Variants in GAB1 observed in about 807,000 individuals in gnomAD.
GAB1 encodes GRB2 associated binding protein 1.
Under a neutral mutation model 66.5 loss-of-function variants are expected in GAB1, and 19 were observed. That is an observed-to-expected ratio of 0.29 (90% CI 0.20 to 0.42). The LOEUF (loss-of-function observed/expected upper bound fraction) is 0.42. Ranked by LOEUF, GAB1 falls within the 10% of genes least tolerant of loss-of-function variation. The pLI, the probability that GAB1 is intolerant of heterozygous loss-of-function variation, is 1.00. For missense variants in GAB1, 732 were observed against 858.5 expected (o/e 0.85, Z 1.84); for synonymous variants, 294 against 301.4 (o/e 0.98, Z 0.25).
At chr4:143,397,845 T>C (rs1170632337) in intron 1 of GAB1, among the ~76,000 whole-genome samples, 1 of 152,196 alleles carries the variant, frequency 6.6e-6, no homozygotes, top group African/African-American at 2.4e-5. Context: ...CTAATGGAGA[T>C]ATGAGCAATG....
At chr4:143,412,916 A>G (rs1191580682) in intron 1 of GAB1, among the ~76,000 whole-genome samples, 3 of 152,194 alleles carry the variant, frequency 2.0e-5, no homozygotes, top group Non-Finnish European at 4.4e-5. Flanking sequence ...GGTACTATTT[A>G]TTAATAGTAT....
At chr4:143,454,180 ATTC>A (rs1735067810) in intron 6 of GAB1, among the ~76,000 whole-genome samples, 1 of 152,226 alleles carries the variant, frequency 6.6e-6, no homozygotes, top group African/African-American at 2.4e-5. Flanking sequence ...ACACATCCGT[ATTC>A]TTATGGCATT....
At chr4:143,404,547 A>G (rs570585639) in intron 1 of GAB1, among the ~76,000 whole-genome samples, 22 of 152,292 alleles carry the variant, frequency 1.4e-4, no homozygotes, top group Non-Finnish European at 2.6e-4. Context: ...TTAAAACTGC[A>G]CTGTCCAGCC....
chr4:143,379,709 C>T (rs531358705), intron 1 of GAB1, among the ~76,000 whole-genome samples: 2 of 152,080 alleles, frequency 1.3e-5, no homozygotes, highest in East Asian at 1.9e-4. Context: ...ACCTCAGTCT[C>T]CTGAGTAGCT....
chr4:143,386,934 T>C (rs1415899536), intron 1 of GAB1, among the ~76,000 whole-genome samples: 2 of 152,254 alleles, frequency 1.3e-5, no homozygotes, highest in Middle Eastern at 3.4e-3. Context: ...TACAGAAGAT[T>C]TTTTTGTTGA....
intron 6 of GAB1, among the ~76,000 whole-genome samples, chr4:143,451,864 T>G (rs1310117339): frequency 6.6e-6 from 1 of 151,676 alleles, no homozygotes; most frequent in Admixed American, 6.6e-5. Context: ...TTCATCACTT[T>G]CAGAGAAACA....
chr4:143,396,383 A>T (rs1034565856), intron 1 of GAB1, among the ~76,000 whole-genome samples: 4 of 152,240 alleles, frequency 2.6e-5, no homozygotes, highest in African/African-American at 9.6e-5. Flanking sequence ...CTATAGATAC[A>T]GCAGATGGAA....
intron 1 of GAB1, among the ~76,000 whole-genome samples, chr4:143,353,179 C>T (rs1019351915): frequency 5.3e-5 from 8 of 152,262 alleles, no homozygotes; most frequent in African/African-American, 1.4e-4. Context: ...GATCTGAAAG[C>T]ATATTATTAA....
At chr4:143,373,884 TA>T (rs1186210327) in intron 1 of GAB1, among the ~76,000 whole-genome samples, 1 of 129,116 alleles carries the variant, frequency 7.7e-6, no homozygotes, top group Admixed American at 7.5e-5. Flanking sequence ...TATATATATA[TA>T]TTTTTACCTT....
chr4:143,337,843 T>C (rs988357524), intron 1 of GAB1, among the ~76,000 whole-genome samples: 5 of 152,210 alleles, frequency 3.3e-5, no homozygotes, highest in Non-Finnish European at 5.9e-5. Flanking sequence ...CCCTGCCGTT[T>C]GCTTAGCAGG....
chr4:143,373,975 A>C (rs1303017415), intron 1 of GAB1, among the ~76,000 whole-genome samples: 2 of 149,916 alleles, frequency 1.3e-5, no homozygotes, highest in Non-Finnish European at 3.0e-5. Flanking sequence ...GTTTTGGTTT[A>C]GTTTTTAATT....
chr4:143,367,096 T>A (rs1053067150), intron 1 of GAB1, among the ~76,000 whole-genome samples: 2 of 152,196 alleles, frequency 1.3e-5, no homozygotes, highest in African/African-American at 2.4e-5. Flanking sequence ...ATTCTAACCA[T>A]GAGACAGGGA....
intron 2 of GAB1, among the ~76,000 whole-genome samples, chr4:143,427,957 T>G (rs1311717814): frequency 6.6e-6 from 1 of 152,126 alleles, no homozygotes; most frequent in Non-Finnish European, 1.5e-5. Context: ...CCCAGCAACC[T>G]CTACAGGGTT....
intron 2 of GAB1, chr4:143,425,756 C>G (rs911117066): frequency 1.1e-4 from 82 of 762,470 alleles, no homozygotes; most frequent in Middle Eastern, 1.0e-3. Context: ...CTCCTGAGTT[C>G]ACTGCTACTC....
At chr4:143,374,569 G>A (rs1291912044) in intron 1 of GAB1, among the ~76,000 whole-genome samples, 3 of 152,136 alleles carry the variant, frequency 2.0e-5, no homozygotes, top group Non-Finnish European at 4.4e-5. Flanking sequence ...GCCTTTTGAC[G>A]ATAGCTGACT....
chr4:143,361,259 A>G (rs62337515), intron 1 of GAB1, among the ~76,000 whole-genome samples: 11,193 of 152,232 alleles, frequency 0.074, 635 homozygotes, highest in African/African-American at 0.16. Flanking sequence ...TTAGATTACT[A>G]TTAAAACAGC....
chr4:143,460,236 CAATG>C (rs1735418766), intron 7 of GAB1, 124 bp from the exon 8 acceptor site: 1 of 804,050 alleles, frequency 1.2e-6, no homozygotes, highest in Non-Finnish European at 2.0e-6. Context: ...TAAATGTGTA[CAATG>C]AATGATTATA....
intron 8 of GAB1, among the ~76,000 whole-genome samples, chr4:143,464,541 T>G (rs1735680787): frequency 6.6e-6 from 1 of 152,182 alleles, no homozygotes; most frequent in South Asian, 2.1e-4. Flanking sequence ...TTTTATATAT[T>G]TTTTTAATGT....
chr4:143,349,788 C>T (rs2149647072), intron 1 of GAB1: 1 of 1,590,776 alleles, frequency 6.3e-7, no homozygotes, highest in Non-Finnish European at 8.5e-7. Flanking sequence ...ATGCCTTGAA[C>T]CTCGTGCGCT....
Sources: gnomAD v4.1 joint callset for allele counts (sites outside exome capture counted in the v4.1 genomes callset) on GRCh38, gnomAD v4.1.1 for gene constraint, MANE v1.5 for transcripts, NCBI Gene and HGNC (gene_info 2026-07-23, HGNC 2026-07-21) for gene names.